The following KIAA1217 variants were observed in gnomAD, a reference collection of about 807,000 sequenced individuals.
KIAA1217 encodes the protein sickle tail protein homolog.
A neutral mutation model predicts 163.9 loss-of-function variants in KIAA1217; 88 were observed. That is an observed-to-expected ratio of 0.54 (90% CI 0.45 to 0.64). The LOEUF (loss-of-function observed/expected upper bound fraction) is 0.64. KIAA1217 is among the 30% of genes least tolerant of loss of function. KIAA1217 has a pLI of 0.00. For synonymous variants in KIAA1217, 903 were observed against 923.1 expected (o/e 0.98, Z 0.39); for missense variants, 2,372 against 2,475.0 (o/e 0.96, Z 0.88).
intron 2 of KIAA1217, among the ~76,000 whole-genome samples, chr10:24,081,218 C>G (rs1176930143): frequency 6.6e-6 from 1 of 152,182 alleles, no homozygotes; most frequent in East Asian, 1.9e-4. Context: ...CTGATGTTTA[C>G]TTGCTGTTTA....
In KIAA1217 at chr10:24,102,227, G is replaced by C. The variant is rs7074987; in HGVS notation, c.-171+94853G>C. On this transcript the variant is annotated intron_variant, in intron 2 of 18. Transcript: ENST00000376462. ...ATAAAATGTTAATATACAAAAGTCA[G>C]TTGCTTTCCTATATACCAGCAATAA... 8.8e-3 allele frequency among the ~76,000 whole-genome samples: 1,336 copies of C among 152,224 alleles called. 23 individuals are homozygous for C. Among genetic ancestry groups the C allele is most frequent in the African/African-American group, 0.031 (1,287 of 41,554 alleles).
chr10:23,723,358 C>T (rs1837966505), intron 1 of KIAA1217, among the ~76,000 whole-genome samples: 1 of 152,008 alleles, frequency 6.6e-6, no homozygotes, highest in South Asian at 2.1e-4. Flanking sequence ...CCCATTCCTT[C>T]TCTGGTTGCT....
rs2075327717 is a variant in KIAA1217 at position 24,543,283 on chromosome 10, A to G, written c.4013A>G (p.Gln1338Arg). The change falls in exon 19 of 21, where the codon CAA becomes CGA. Residue 1338 changes from glutamine (Q) to arginine (R), a missense_variant. By Grantham distance (43) the Gln-to-Arg change is conservative. Transcript: ENST00000376454. ...GTGCATGATTTTAAAACAGAAGATC[A>G]AGAGGTTATCACGACAGATTTTGGC... ...SSVHDFKTEDQEVITTDFGQV... is the reference protein window; with the variant it reads ...SSVHDFKTEDREVITTDFGQV... 1 of 1,614,040 alleles carries G rather than the reference A, an allele frequency of 6.2e-7. No homozygotes were observed. Among genetic ancestry groups the G allele is most frequent in the Non-Finnish European group, 8.5e-7 (1 of 1,180,030 alleles).
Position 24,506,238 on chromosome 10 carries a change from C to G in KIAA1217, c.2001+4693C>G, listed in dbSNP as rs7920774. 2.6e-5 allele frequency among the ~76,000 whole-genome samples: 4 copies of G among 152,316 alleles called. No individual in the cohort carries two copies. In the South Asian group the frequency reaches 8.3e-4, roughly 32 times the overall value. ...AGTCGTTCTGAGGTCTGGCTTTCCT[C>G]CTGAATCTTTCTGATTTGTGGTATA... is the stretch of plus-strand genomic sequence containing the variant. On this transcript the variant is annotated intron_variant, in intron 9 of 20. Coordinates refer to ENST00000376454, the MANE Select transcript of KIAA1217 (RefSeq NM_019590.5).
At chr10:24,278,461 G>C (rs1054125026) in intron 2 of KIAA1217, among the ~76,000 whole-genome samples, 1 of 152,224 alleles carries the variant, frequency 6.6e-6, no homozygotes, top group Non-Finnish European at 1.5e-5. Flanking sequence ...AAATAATACA[G>C]AGCTTGCAGA....
At chr10:24,311,086 T>G (rs1478008924) in intron 2 of KIAA1217, among the ~76,000 whole-genome samples, 1 of 152,222 alleles carries the variant, frequency 6.6e-6, no homozygotes, top group Non-Finnish European at 1.5e-5. Context: ...AGGGTTCTCC[T>G]TGAAGTCAAA....
chr10:23,964,962 T>C (rs2054693617), intron 1 of KIAA1217, among the ~76,000 whole-genome samples: 1 of 152,172 alleles, frequency 6.6e-6, no homozygotes, highest in Admixed American at 6.5e-5. Context: ...TTGAAGCTGG[T>C]TATAGTGGGA....
intron 1 of KIAA1217, among the ~76,000 whole-genome samples, chr10:23,895,239 T>C (rs1841623165): frequency 6.6e-6 from 1 of 151,916 alleles, no homozygotes; most frequent in Admixed American, 6.6e-5. Flanking sequence ...CACAAACTAT[T>C]CATCTGACAA....
chr10:23,728,779 G>A (rs549343997), intron 1 of KIAA1217, among the ~76,000 whole-genome samples: 9 of 152,260 alleles, frequency 5.9e-5, no homozygotes, highest in African/African-American at 2.2e-4. Flanking sequence ...TAAGCTTACA[G>A]CAAAACTGAG....
At chr10:23,992,808 T>G (rs1175846504) in intron 1 of KIAA1217, among the ~76,000 whole-genome samples, 3 of 151,492 alleles carry the variant, frequency 2.0e-5, no homozygotes, top group African/African-American at 7.3e-5. Context: ...TTTATCCTCC[T>G]TCACTGAGCT....
intron 1 of KIAA1217, among the ~76,000 whole-genome samples, chr10:23,808,823 A>G (rs1390915105): frequency 6.6e-6 from 1 of 152,138 alleles, no homozygotes. Context: ...CCTGAATATG[A>G]TAAGTAGATA....
intron 2 of KIAA1217, among the ~76,000 whole-genome samples, chr10:24,337,680 G>C (rs2046569812): frequency 7.7e-6 from 1 of 129,886 alleles, no homozygotes; most frequent in African/African-American, 3.0e-5. Context: ...GTCTCATACT[G>C]TCGCCCAGGC....
At chr10:24,157,483 A>G (rs2064932155) in intron 2 of KIAA1217, among the ~76,000 whole-genome samples, 1 of 152,180 alleles carries the variant, frequency 6.6e-6, no homozygotes, top group Non-Finnish European at 1.5e-5. Context: ...AGAGAGCAGA[A>G]GTTTTACATT....
intron 3 of KIAA1217, among the ~76,000 whole-genome samples, chr10:24,383,005 G>A (rs2053527784): frequency 1.3e-5 from 2 of 151,810 alleles, no homozygotes; most frequent in Admixed American, 6.6e-5. Flanking sequence ...GCACCCAGGC[G>A]CCTGGCTAAT....
At chr10:23,764,866 T>C (rs919760402) in intron 1 of KIAA1217, among the ~76,000 whole-genome samples, 4 of 152,150 alleles carry the variant, frequency 2.6e-5, no homozygotes, top group African/African-American at 9.7e-5. Context: ...GGCACACATA[T>C]ACCTATGTAA....
intron 1 of KIAA1217, among the ~76,000 whole-genome samples, chr10:23,823,110 T>G (rs907216249): frequency 6.6e-6 from 1 of 152,206 alleles, no homozygotes; most frequent in Non-Finnish European, 1.5e-5. Flanking sequence ...CTTAGAGTCA[T>G]GCTTCACCTG....
chr10:24,193,229 C>A (rs564508045), intron 2 of KIAA1217, among the ~76,000 whole-genome samples: 1 of 152,170 alleles, frequency 6.6e-6, no homozygotes, highest in East Asian at 1.9e-4. Context: ...CTAACCTAAG[C>A]TTACATTATT....
At chr10:24,010,702 A>AG in intron 2 of KIAA1217, among the ~76,000 whole-genome samples, 1 of 152,090 alleles carries the variant, frequency 6.6e-6, no homozygotes, top group South Asian at 2.1e-4. Flanking sequence ...GGAAAAAAAA[A>AG]AAAAAGGGAA....
At chr10:23,907,139 A>G (rs935214754) in intron 1 of KIAA1217, among the ~76,000 whole-genome samples, 11 of 152,118 alleles carry the variant, frequency 7.2e-5, no homozygotes, top group Non-Finnish European at 1.6e-4. Context: ...AAAGACCTTT[A>G]TTGGACTGCT....
Sources: gnomAD v4.1 joint callset for allele counts (sites outside exome capture counted in the v4.1 genomes callset) on GRCh38, gnomAD v4.1.1 for gene constraint, MANE v1.5 for transcripts, NCBI Gene and HGNC (gene_info 2026-07-23, HGNC 2026-07-21) for gene names.